Variants in MTR observed in about 807,000 individuals in gnomAD.
MTR encodes methionine synthase.
In MTR, 84 loss-of-function variants were observed where a neutral mutation model predicts 154.8. The ratio of observed to expected loss-of-function variants is 0.54; its 90% confidence interval spans 0.45 to 0.65. The LOEUF (loss-of-function observed/expected upper bound fraction) is 0.65, where lower values mean the gene tolerates loss of function less well. MTR is among the 30% of genes least tolerant of loss of function. The pLI, the probability that MTR is intolerant of heterozygous loss-of-function variation, is 0.00. For synonymous variants in MTR, 554 were observed against 553.9 expected (o/e 1.00, Z 0.00); for missense variants, 1,275 against 1,570.2 (o/e 0.81, Z 3.18).
rs1664581669 is a variant in MTR at position 236,862,159 on chromosome 1, C to T, written c.2197-77C>T. 32 of 1,208,786 alleles carry T rather than the reference C, an allele frequency of 2.6e-5. No homozygotes were observed. The South Asian group carries it at 3.5e-4, about 13-fold the overall frequency. 74.9% of individuals were successfully genotyped at this position (1,208,786 alleles called of 1,614,324 possible). A position where few individuals can be genotyped will look rare whatever the true frequency, so the allele number is the denominator to read the frequency against. On this transcript the variant is annotated intron_variant, in intron 20 of 32. Transcript: ENST00000366577. Reference sequence around the variant, plus strand: ...TCAAAGCATGCATTCCTAATGTGTGCCCAAATTTCACAAGTGGCCATCAGC... The same window carrying T: ...TCAAAGCATGCATTCCTAATGTGTGTCCAAATTTCACAAGTGGCCATCAGC...
intron 1 of MTR, among the ~76,000 whole-genome samples, chr1:236,802,814 T>C (rs1208028369): frequency 6.6e-6 from 1 of 152,088 alleles, no homozygotes; most frequent in African/African-American, 2.4e-5. Context: ...TTCCAGTAGG[T>C]CGTAGAAACC....
chr1:236,872,785 C>A (rs1310992277), intron 22 of MTR, among the ~76,000 whole-genome samples: 1 of 152,146 alleles, frequency 6.6e-6, no homozygotes, highest in East Asian at 1.9e-4. Flanking sequence ...GTGGGAGGAT[C>A]ACTTGAGCCC....
chr1:236,891,469 A>C (rs1463535550), intron 29 of MTR, 140 bp downstream of exon 29: 4 of 929,272 alleles, frequency 4.3e-6, no homozygotes, highest in African/African-American at 3.3e-5. Context: ...GACCAGTCAC[A>C]CGCCCAAGCC....
At chr1:236,800,801 T>C (rs1391661823) in intron 1 of MTR, among the ~76,000 whole-genome samples, 2 of 152,240 alleles carry the variant, frequency 1.3e-5, no homozygotes, top group African/African-American at 2.4e-5. Flanking sequence ...TCATGACTTG[T>C]GTGACTTAAG....
intron 1 of MTR, among the ~76,000 whole-genome samples, chr1:236,802,928 T>C (rs1572180724): frequency 6.6e-6 from 1 of 152,146 alleles, no homozygotes; most frequent in East Asian, 1.9e-4. Context: ...TGTTAGCCAG[T>C]TATTATTTCA....
At chr1:236,884,200 T>G (rs763344189) in intron 25 of MTR, among the ~76,000 whole-genome samples, 1 of 152,158 alleles carries the variant, frequency 6.6e-6, no homozygotes, top group African/African-American at 2.4e-5. Context: ...AAACATTTAG[T>G]GAGAATGCAC....
Position 236,876,500 on chromosome 1 carries a change from G to T in MTR, c.2594+1654G>T, listed in dbSNP as rs1665440961. 1.3e-5 allele frequency among the ~76,000 whole-genome samples: 2 copies of T among 152,166 alleles called. 1 individual carries two copies. Among genetic ancestry groups the T allele is most frequent in the South Asian group, 4.1e-4 (2 of 4,830 alleles). ...CCTATGGACTGTTGTCAGAATGAAA[G>T]ACTTTAATATCAACTGTGAAGTAGA... On this transcript the variant is annotated intron_variant, in intron 24 of 32. Coordinates refer to ENST00000366577, the MANE Select transcript of MTR (RefSeq NM_000254.3).
Position 236,797,311 on chromosome 1 carries a change from C to T in MTR, c.34+1574C>T, listed in dbSNP as rs116209112. On this transcript the variant is annotated intron_variant, in intron 1 of 32. Transcript: ENST00000366577. ...AAATTTTAATGGAGAGCTGGGAATT[C>T]CTGATTCTCAAGGTTGGGCCTTAAA... Among the ~76,000 whole-genome samples, 305 of 152,272 alleles carry T rather than the reference C, an allele frequency of 2.0e-3. 1 individual carries two copies. Among genetic ancestry groups the T allele is most frequent in the African/African-American group, 5.8e-3 (241 of 41,550 alleles).
chr1:236,843,930 A>G (rs1353109350), intron 15 of MTR, among the ~76,000 whole-genome samples: 1 of 152,178 alleles, frequency 6.6e-6, no homozygotes, highest in Non-Finnish European at 1.5e-5. Flanking sequence ...TTCATGGGCA[A>G]AGTCTGGCTT....
Position 236,895,443 on chromosome 1 carries a change from G to A in MTR, c.3491G>A (p.Arg1164His), listed in dbSNP as rs61736326. The change falls in exon 31 of 33, where the codon CGC becomes CAC. Residue 1164 changes from arginine to histidine, a missense_variant. Arg to His is a conservative substitution (Grantham distance 29, BLOSUM62 0). Transcript: ENST00000366577. Reference protein sequence around the residue: ...GSEQLDVADLRRLRYKGIRPA... With the variant: ...GSEQLDVADLHRLRYKGIRPA... ...GAGCAGCTGGACGTCGCAGACCTGC[G>A]CAGGCTGCGGTACAAGGGCATCCGC... 5,156 of 1,602,458 alleles carry A rather than the reference G, an allele frequency of 3.2e-3. 114 individuals carry two copies. In the African/African-American group the frequency reaches 0.053, roughly 17 times the overall value.
intron 1 of MTR, among the ~76,000 whole-genome samples, chr1:236,800,769 C>T (rs977005457): frequency 1.3e-5 from 2 of 152,210 alleles, no homozygotes; most frequent in African/African-American, 4.8e-5. Flanking sequence ...GTTTACTATA[C>T]ATCAAACACC....
chr1:236,897,308 A>G (rs868569664), intron 32 of MTR, among the ~76,000 whole-genome samples, 190 bp downstream of exon 32: 10 of 131,458 alleles, frequency 7.6e-5, no homozygotes, highest in African/African-American at 2.4e-4. Context: ...AGCCACACAC[A>G]CGCACACACA....
intron 4 of MTR, among the ~76,000 whole-genome samples, 172 bp downstream of exon 4, chr1:236,808,945 C>A (rs1661144603): frequency 6.6e-6 from 1 of 152,192 alleles, no homozygotes; most frequent in Non-Finnish European, 1.5e-5. Flanking sequence ...CATAATCAAG[C>A]ACTCAACATC....
chr1:236,886,424 G>C, intron 27 of MTR, 57 bp downstream of exon 27: 1 of 1,520,984 alleles, frequency 6.6e-7, no homozygotes, highest in Non-Finnish European at 9.1e-7. Flanking sequence ...AGTGTGCTGA[G>C]GAAATACATG....
At position 236,886,352 on chromosome 1, in the gene MTR, T is replaced by A; in HGVS notation, c.2836T>A (p.Ser946Thr). The change falls in exon 27 of 33, where the codon TCT becomes ACT. Residue 946 changes from serine (S) to threonine (T), a missense_variant. Ser to Thr is a moderately conservative substitution (Grantham distance 58). Transcript: ENST00000366577. ...AAGTGGTTTCCAAATGGATTGGCTGTCTGAACCTCACCCAGGTCTGTTTGG... is the reference window on the plus strand; with the variant it reads ...AAGTGGTTTCCAAATGGATTGGCTGACTGAACCTCACCCAGGTCTGTTTGG... ...RKSGFQMDWL[S>T]EPHPVKPTFI... The A allele has an allele frequency of 1.2e-6, 2 of 1,614,198 alleles. No homozygotes were observed. The highest frequency in any genetic ancestry group is 1.7e-6 in the Non-Finnish European group (2 of 1,180,024).
chr1:236,800,364 C>T (rs1660637196), intron 1 of MTR: 11 of 985,436 alleles, frequency 1.1e-5, no homozygotes, highest in Non-Finnish European at 1.2e-5. Flanking sequence ...TGCCACACCT[C>T]ATGCTCACAC....
At chr1:236,820,465 C>A in intron 8 of MTR, 1 of 1,405,588 alleles carries the variant, frequency 7.1e-7, no homozygotes. Flanking sequence ...GACTGGTCTG[C>A]AGCTCCCACT....
intron 22 of MTR, among the ~76,000 whole-genome samples, chr1:236,869,019 G>A (rs757555716): frequency 1.3e-5 from 2 of 152,166 alleles, no homozygotes; most frequent in Non-Finnish European, 2.9e-5. Flanking sequence ...TGGAAACCAT[G>A]GCTGGACTGC....
intron 29 of MTR, among the ~76,000 whole-genome samples, chr1:236,891,849 T>G (rs1162449337): frequency 6.6e-6 from 1 of 152,118 alleles, no homozygotes. Context: ...AGTTTAAGTT[T>G]GTGTTTTACA....
Sources: gnomAD v4.1 joint callset for allele counts (sites outside exome capture counted in the v4.1 genomes callset) on GRCh38, gnomAD v4.1.1 for gene constraint, MANE v1.5 for transcripts, NCBI Gene and HGNC (gene_info 2026-07-23, HGNC 2026-07-21) for gene names.